Variants in ABCA10 observed in about 807,000 individuals in gnomAD.
ABCA10 encodes the protein ATP binding cassette subfamily A member 10, also known as ATP-binding cassette sub-family A member 10.
A neutral mutation model predicts 187.5 loss-of-function variants in ABCA10; 169 were observed. That is an observed-to-expected ratio of 0.90 (90% CI 0.80 to 1.02). The LOEUF is 1.02. Among genes scored for constraint, ABCA10 ranks in the 50% least tolerant of loss-of-function variants. ABCA10 has a pLI of 0.00. For missense variants in ABCA10, 1,727 were observed against 1,812.4 expected, an observed-to-expected ratio of 0.95 and a Z score of 0.86; for synonymous variants, 574 against 601.8, an observed-to-expected ratio of 0.95 and a Z score of 0.68.
Position 69,182,196 on chromosome 17 carries a change from T to C in ABCA10, c.2726A>G (p.Asn909Ser). The C allele has an allele frequency of 1.3e-6, 2 of 1,596,410 alleles. No individual in the cohort carries two copies. Among genetic ancestry groups the C allele is most frequent in the Non-Finnish European group, 1.7e-6 (2 of 1,171,116 alleles). The change falls in exon 22 of 39, where the codon AAC (asparagine) becomes AGC (serine). Residue 909 changes from asparagine to serine, a missense_variant. Coordinates refer to ENST00000690296, the MANE Select transcript of ABCA10 (RefSeq NM_001377321.1). ...CTCCATTTGAATAAGCTCCGTGAAG[T>C]TAAAAATTCCCATAAGGGCATTGCT... ...IVSNALMGIFNFTELIQMEST... is the reference protein window; with the variant it reads ...IVSNALMGIFSFTELIQMEST...
At chr17:69,202,992 T>C (rs4331393) in intron 9 of ABCA10, among the ~76,000 whole-genome samples, 5,877 of 152,184 alleles carry the variant, frequency 0.039, 148 homozygotes, top group Middle Eastern at 0.071. Context: ...GCTAATATAA[T>C]GTAGGGGGAT....
At position 69,182,320 on chromosome 17, in the gene ABCA10, T is replaced by A. The variant is rs781300430; in HGVS notation, c.2632-30A>T. Reference sequence around the variant, plus strand: ...AAAAAAAGTACACAAATATAAGTTATAAATTCTTATAGTAAATATATTTAT... The same window carrying A: ...AAAAAAAGTACACAAATATAAGTTAAAAATTCTTATAGTAAATATATTTAT... On this transcript the variant is annotated intron_variant, in intron 21 of 38. Coordinates refer to ENST00000690296, the MANE Select transcript of ABCA10 (RefSeq NM_001377321.1). The A allele has an allele frequency of 2.2e-6, 3 of 1,371,950 alleles. No individual in the cohort carries two copies. In the African/African-American group the frequency reaches 4.5e-5, roughly 21 times the overall value. The allele number at this position is 1,371,950 out of a possible 1,614,324, so 85.0% of individuals were successfully genotyped here. A position where few individuals can be genotyped will look rare whatever the true frequency, so the allele number is the denominator to read the frequency against.
intron 25 of ABCA10, among the ~76,000 whole-genome samples, chr17:69,165,748 A>G (rs975193119): frequency 1.3e-5 from 2 of 152,182 alleles, no homozygotes; most frequent in Admixed American, 6.5e-5. Flanking sequence ...ATTTTTTTCA[A>G]TAAATATGTT....
chr17:69,173,058 T>C (rs2074309116), intron 25 of ABCA10, among the ~76,000 whole-genome samples: 1 of 152,042 alleles, frequency 6.6e-6, no homozygotes, highest in Non-Finnish European at 1.5e-5. Context: ...ACAAAATAGT[T>C]TCAAACTATA....
intron 1 of ABCA10, among the ~76,000 whole-genome samples, chr17:69,242,737 G>A (rs2074911971): frequency 6.6e-6 from 1 of 152,168 alleles, no homozygotes; most frequent in Non-Finnish European, 1.5e-5. Flanking sequence ...GTGGGCCACT[G>A]CACCCGGTCT....
rs573989632 is a variant in ABCA10 at position 69,153,421 on chromosome 17, G to A, written c.4042-22C>T. ...ACAGCTGCAATGCAAGGAACAGCCCGTCGGCACCCAGCCATGGGTGCACAG... is the reference window on the plus strand; with the variant it reads ...ACAGCTGCAATGCAAGGAACAGCCCATCGGCACCCAGCCATGGGTGCACAG... On this transcript the variant is annotated intron_variant, in intron 33 of 38. Coordinates refer to ENST00000690296, the MANE Select transcript of ABCA10 (RefSeq NM_001377321.1). 3.0e-5 allele frequency: 49 copies of A among 1,613,500 alleles called. 1 individual carries two copies. Among genetic ancestry groups the A allele is most frequent in the South Asian group, 4.4e-5 (4 of 91,004 alleles).
chr17:69,222,515 C>T lies in ABCA10; in HGVS notation c.199+18G>A. On this transcript the variant is annotated intron_variant, in intron 4 of 38. Coordinates refer to ENST00000690296, the MANE Select transcript of ABCA10 (RefSeq NM_001377321.1). ...TGAAGTATCAAAAAAAAATTATAAT[C>T]AGTTTTTTTATAGTTACCTGTGTAT... The T allele has an allele frequency of 6.7e-7, 1 of 1,503,532 alleles. No homozygotes were observed. The highest frequency in any genetic ancestry group is 8.8e-7 in the Non-Finnish European group (1 of 1,132,742). The allele number at this position is 1,503,532 out of a possible 1,614,324, so 93.1% of individuals were successfully genotyped here.
At chr17:69,218,607 G>A (rs981868617) in intron 6 of ABCA10, among the ~76,000 whole-genome samples, 6 of 151,910 alleles carry the variant, frequency 3.9e-5, no homozygotes, top group Non-Finnish European at 5.9e-5. Flanking sequence ...AGGAATGGAT[G>A]AATGCATAGA....
chr17:69,193,781 T>G, intron 13 of ABCA10, 33 bp downstream of exon 13: 1 of 1,594,796 alleles, frequency 6.3e-7, no homozygotes, highest in Non-Finnish European at 8.5e-7. Context: ...GTAAATTATT[T>G]CCAAAGCCAT....
chr17:69,187,751 G>C lies in ABCA10; in HGVS notation c.2260C>G (p.Arg754Gly). ...KAVSSAALWR[R>G]QIYAVATLRF... ...AGTGTTGCCACTGCATAGATTTGTC[G>C]TCTCCAGAGAGCTGCACTACTGACA... The change falls in exon 19 of 39, where the codon CGA (arginine) becomes GGA (glycine). Residue 754 changes from arginine to glycine, a missense_variant. By Grantham distance (125) the Arg-to-Gly change is moderately radical (BLOSUM62 -2). Transcript: ENST00000690296. 1 of 1,613,816 alleles carries C rather than the reference G, an allele frequency of 6.2e-7. No homozygotes were observed. The highest frequency in any genetic ancestry group is 1.1e-5 in the South Asian group (1 of 91,068).
intron 27 of ABCA10, among the ~76,000 whole-genome samples, chr17:69,158,745 T>C (rs1359230768): frequency 1.3e-5 from 2 of 151,970 alleles, no homozygotes; most frequent in Non-Finnish European, 2.9e-5. Flanking sequence ...TTTGAAAAAT[T>C]AGGATGATAG....
At position 69,152,430 on chromosome 17, in the gene ABCA10, G is replaced by C; in HGVS notation, c.4188C>G (p.Thr1396=). ...CCTCAGCCTCTGACATGTAATGGGT[G>C]GTCAAGAGGGTGCCCCTCTCCTTGT... ...VKNKERGTLL[T]THYMSEAEAV... is the part of the protein sequence containing the mutation. Residue 1396 remains threonine (T), a synonymous_variant, in exon 35 of 39, where the codon ACC becomes ACG. Coordinates refer to ENST00000690296, the MANE Select transcript of ABCA10 (RefSeq NM_001377321.1). 6.2e-7 allele frequency: 1 copy of C among 1,613,874 alleles called. No individual in the cohort carries two copies. Among genetic ancestry groups the C allele is most frequent in the Non-Finnish European group, 8.5e-7 (1 of 1,179,872 alleles).
intron 24 of ABCA10, 106 bp from the exon 25 acceptor site, chr17:69,174,500 T>C: frequency 6.9e-7 from 1 of 1,448,956 alleles, no homozygotes; most frequent in Admixed American, 2.2e-5. Context: ...ATTTTCTTAT[T>C]TTCTTGCATA....
rs374716314 is a variant in ABCA10, at chr17:69,153,455, C to A, written c.4041+16G>T. ...CAGCCATGGGTGCACAGGGAAACCC[C>A]GAGCCTGGCCCATACCTTTCTCTTT... On this transcript the variant is annotated intron_variant, in intron 33 of 38. Transcript: ENST00000690296. The A allele has an allele frequency of 5.6e-6, 9 of 1,613,888 alleles. No individual in the cohort carries two copies. The highest frequency in any genetic ancestry group is 7.6e-6 in the Non-Finnish European group (9 of 1,179,978).
intron 1 of ABCA10, among the ~76,000 whole-genome samples, chr17:69,241,293 G>A (rs1473941115): frequency 1.3e-5 from 2 of 152,044 alleles, no homozygotes; most frequent in Non-Finnish European, 2.9e-5. Context: ...TTCAGAATTA[G>A]ACCACTTCTT....
At chr17:69,181,339 A>C (rs1280098262) in intron 22 of ABCA10, among the ~76,000 whole-genome samples, 1 of 152,164 alleles carries the variant, frequency 6.6e-6, no homozygotes, top group Non-Finnish European at 1.5e-5. Context: ...GTACCTAGTA[A>C]GTTGTATATG....
chr17:69,149,151 T>C, intron 37 of ABCA10, 63 bp from the exon 38 acceptor site: 1 of 1,553,892 alleles, frequency 6.4e-7, no homozygotes, highest in Non-Finnish European at 8.9e-7. Context: ...TGTAAAGTCA[T>C]ACAATAGAGA....
chr17:69,207,183 T>C (rs899382474), intron 9 of ABCA10, among the ~76,000 whole-genome samples: 2 of 152,042 alleles, frequency 1.3e-5, no homozygotes, highest in Non-Finnish European at 2.9e-5. Context: ...ATTAAAACCA[T>C]AACGTGATAG....
chr17:69,182,588 T>C (rs1308280327), intron 21 of ABCA10, 87 bp downstream of exon 21: 6 of 1,371,306 alleles, frequency 4.4e-6, no homozygotes, highest in Non-Finnish European at 5.7e-6. Flanking sequence ...GAAAACATAC[T>C]TAAGTTTCCT....
Sources: gnomAD v4.1 joint callset for allele counts (sites outside exome capture counted in the v4.1 genomes callset) on GRCh38, gnomAD v4.1.1 for gene constraint, MANE v1.5 for transcripts, NCBI Gene and HGNC (gene_info 2026-07-23, HGNC 2026-07-21) for gene names.